CNBD1: variants seen among roughly 807,000 people sequenced by gnomAD.
The protein encoded by CNBD1 is cyclic nucleotide-binding domain-containing protein 1.
Under a neutral mutation model 54.4 loss-of-function variants are expected in CNBD1, and 71 were observed. The observed-to-expected ratio is 1.30, with a 90% CI of 1.08 to 1.59. The LOEUF (loss-of-function observed/expected upper bound fraction) is 1.59. CNBD1 is among the 40% of genes most tolerant of loss of function. The probability of loss-of-function intolerance (pLI) is 0.00; values close to 1 mark genes in which losing one functional copy is unlikely to be tolerated. For synonymous variants in CNBD1, 182 were observed against 170.7 expected (o/e 1.07, Z -0.51); for missense variants, 659 against 518.0 (o/e 1.27, Z -2.64).
chr8:86,885,152 A>G (rs1808663618), intron 1 of CNBD1, among the ~76,000 whole-genome samples: 2 of 152,220 alleles, frequency 1.3e-5, no homozygotes, highest in South Asian at 4.1e-4. Context: ...CGTTTAACAC[A>G]AAAAACATTT....
At chr8:87,250,342 G>A (rs1033154769) in intron 6 of CNBD1, among the ~76,000 whole-genome samples, 1 of 152,104 alleles carries the variant, frequency 6.6e-6, no homozygotes, top group African/African-American at 2.4e-5. Flanking sequence ...GCCAGGATAT[G>A]GAAAAAGGGG....
In CNBD1 at chr8:86,982,937, T is replaced by C. The variant is rs563765348; in HGVS notation, c.431+43183T>C. On this transcript the variant is annotated intron_variant, in intron 4 of 10. Transcript: ENST00000518476. ...TATCTTTCTCCACTTATTTAGATAT[T>C]ATTTAATTTTGTGTTTTATAACTTT... 5.8e-4 allele frequency among the ~76,000 whole-genome samples: 88 copies of C among 152,326 alleles called. 1 individual carries two copies. Among genetic ancestry groups the C allele is most frequent in the African/African-American group, 1.7e-3 (69 of 41,578 alleles).
At chr8:87,318,200 T>C (rs1245491553) in intron 8 of CNBD1, among the ~76,000 whole-genome samples, 1 of 152,116 alleles carries the variant, frequency 6.6e-6, no homozygotes, top group Non-Finnish European at 1.5e-5. Flanking sequence ...TTTCAGTTAA[T>C]TAATTTTTCT....
chr8:86,875,874 T>C (rs958469995), intron 1 of CNBD1, among the ~76,000 whole-genome samples: 1 of 152,254 alleles, frequency 6.6e-6, no homozygotes, highest in Non-Finnish European at 1.5e-5. Context: ...TGCTATATTC[T>C]CTAATTGAAT....
intron 3 of CNBD1, among the ~76,000 whole-genome samples, chr8:86,932,932 C>G (rs1809481030): frequency 6.6e-6 from 1 of 152,068 alleles, no homozygotes; most frequent in Admixed American, 6.5e-5. Flanking sequence ...CACTTGTTTT[C>G]CTCCTAGATC....
At chr8:87,325,020 T>A (rs1364033784) in intron 8 of CNBD1, among the ~76,000 whole-genome samples, 1 of 103,482 alleles carries the variant, frequency 9.7e-6, no homozygotes, top group Non-Finnish European at 2.0e-5. Context: ...TCTCGTTGGT[T>A]TCAAAGAACA....
At chr8:87,009,458 AC>A (rs1211900972) in intron 4 of CNBD1, among the ~76,000 whole-genome samples, 3 of 151,324 alleles carry the variant, frequency 2.0e-5, no homozygotes, top group African/African-American at 4.9e-5. Context: ...GTGCCACAAC[AC>A]CCGGCTAATT....
chr8:87,150,774 C>A (rs1035671970), intron 4 of CNBD1, among the ~76,000 whole-genome samples: 2 of 152,138 alleles, frequency 1.3e-5, no homozygotes, highest in Non-Finnish European at 2.9e-5. Context: ...TAGGCCCCTA[C>A]TCCCAAACAG....
At chr8:87,210,041 A>G (rs1465153000) in intron 5 of CNBD1, among the ~76,000 whole-genome samples, 1 of 152,268 alleles carries the variant, frequency 6.6e-6, no homozygotes, top group Non-Finnish European at 1.5e-5. Flanking sequence ...TTGAGTTTTG[A>G]CAAAGGTGCT....
intron 4 of CNBD1, among the ~76,000 whole-genome samples, chr8:87,157,051 A>G (rs1286799655): frequency 6.6e-6 from 1 of 152,158 alleles, no homozygotes; most frequent in African/African-American, 2.4e-5. Context: ...TTAGGATGCT[A>G]AATCTTAGAA....
intron 6 of CNBD1, among the ~76,000 whole-genome samples, chr8:87,262,596 T>C (rs1808164884): frequency 6.6e-6 from 1 of 152,180 alleles, no homozygotes; most frequent in African/African-American, 2.4e-5. Context: ...TCTCCTGCCC[T>C]TCAGACATCA....
At position 87,284,070 on chromosome 8, in the gene CNBD1, A is replaced by G. The variant is rs566621288; in HGVS notation, c.772-608A>G. Among the ~76,000 whole-genome samples, 3 of 152,248 alleles carry G rather than the reference A, an allele frequency of 2.0e-5. No homozygotes were observed. In the East Asian group the frequency reaches 5.8e-4, roughly 29 times the overall value. On this transcript the variant is annotated intron_variant, in intron 6 of 10. Coordinates refer to ENST00000518476, the MANE Select transcript of CNBD1 (RefSeq NM_173538.3). ...TCCCTAAGAAGCTCCTCAGCCTCTCATAAAAATACGCTCCTTATCCTTCAC... is the reference window on the plus strand; with the variant it reads ...TCCCTAAGAAGCTCCTCAGCCTCTCGTAAAAATACGCTCCTTATCCTTCAC...
intron 4 of CNBD1, among the ~76,000 whole-genome samples, chr8:87,002,813 C>T (rs1809020558): frequency 1.3e-5 from 2 of 152,072 alleles, no homozygotes; most frequent in Admixed American, 1.3e-4. Flanking sequence ...TTATCTGTCT[C>T]CTCTTTCTAA....
chr8:86,987,334 C>T (rs1381766586), intron 4 of CNBD1, among the ~76,000 whole-genome samples: 1 of 152,106 alleles, frequency 6.6e-6, no homozygotes, highest in Non-Finnish European at 1.5e-5. Context: ...CATAGAAATG[C>T]TACTAATTTT....
intron 8 of CNBD1, among the ~76,000 whole-genome samples, chr8:87,304,877 C>T (rs1809108790): frequency 6.6e-6 from 1 of 152,066 alleles, no homozygotes; most frequent in African/African-American, 2.4e-5. Context: ...ACTCCCACCA[C>T]TCCTCTTCAA....
chr8:87,236,849 A>G, intron 5 of CNBD1, 70 bp from the exon 6 acceptor site: 2 of 842,606 alleles, frequency 2.4e-6, no homozygotes, highest in Non-Finnish European at 3.7e-6. Flanking sequence ...AGTGTAATAT[A>G]TATATTAGTC....
chr8:87,378,634 C>A (rs1468069767), intron 10 of CNBD1, among the ~76,000 whole-genome samples: 62 of 137,994 alleles, frequency 4.5e-4, no homozygotes, highest in Non-Finnish European at 7.9e-4. Flanking sequence ...CTTGGCTCTG[C>A]AGGCTCTTTT....
At chr8:87,354,835 T>C (rs1462187762) in intron 10 of CNBD1, among the ~76,000 whole-genome samples, 1 of 152,040 alleles carries the variant, frequency 6.6e-6, no homozygotes, top group African/African-American at 2.4e-5. Context: ...GTTCCAAGTC[T>C]TTGCTATTGT....
At chr8:87,102,597 G>A (rs900766008) in intron 4 of CNBD1, among the ~76,000 whole-genome samples, 2 of 151,796 alleles carry the variant, frequency 1.3e-5, no homozygotes, top group African/African-American at 4.9e-5. Flanking sequence ...GAATGTGGAG[G>A]CAGCAGGACT....
Sources: allele counts gnomAD v4.1 joint callset (sites outside exome capture counted in the v4.1 genomes callset), GRCh38; gene constraint gnomAD v4.1.1; transcripts MANE v1.5; gene names NCBI Gene and HGNC (gene_info 2026-07-23, HGNC 2026-07-21).